Variants in ZNF536 observed in about 807,000 individuals in gnomAD.
ZNF536 encodes the protein zinc finger protein 536.
ZNF536 carries 13 observed loss-of-function variants against 84.5 expected under a neutral mutation model. That is an observed-to-expected ratio of 0.15 (90% CI 0.10 to 0.24). The LOEUF is 0.24. Among genes scored for constraint, ZNF536 ranks in the 10% least tolerant of loss-of-function variants. ZNF536 has a pLI of 1.00. For synonymous variants in ZNF536, 811 were observed against 742.5 expected (o/e 1.09, Z -1.50); for missense variants, 1,536 against 1,747.5 (o/e 0.88, Z 2.16).
chr19:30,677,055 C>G (rs192236918), intron 1 of ZNF536, among the ~76,000 whole-genome samples: 2 of 152,290 alleles, frequency 1.3e-5, no homozygotes, highest in East Asian at 3.9e-4. Context: ...TGGCGTGATG[C>G]CTTTTCTACA....
chr19:30,573,147 G>T (rs142836871), intron 1 of ZNF536, among the ~76,000 whole-genome samples: 1 of 152,318 alleles, frequency 6.6e-6, no homozygotes, highest in East Asian at 1.9e-4. Context: ...CCCTGTGTAA[G>T]TGAACAGGAT....
chr19:30,257,057 A>G (rs967076429), intron 1 of ZNF536, among the ~76,000 whole-genome samples: 6 of 152,220 alleles, frequency 3.9e-5, no homozygotes, highest in African/African-American at 1.4e-4. Context: ...ATTGTTTCAT[A>G]TAGCTTATAT....
chr19:30,490,032 T>C (rs1451175193), intron 2 of ZNF536, among the ~76,000 whole-genome samples: 1 of 152,242 alleles, frequency 6.6e-6, no homozygotes, highest in Non-Finnish European at 1.5e-5. Flanking sequence ...CATGCTTCCA[T>C]TGAGATCCTC....
At chr19:30,231,154 T>C (rs992837246) in intron 1 of ZNF536, among the ~76,000 whole-genome samples, 14 of 152,244 alleles carry the variant, frequency 9.2e-5, no homozygotes, top group African/African-American at 3.1e-4. Context: ...AAAGTGAGAC[T>C]TGATGCAAAT....
In ZNF536 at chr19:30,536,505, T is replaced by C. The variant is rs192569193; in HGVS notation, c.2323+1506T>C. ...AGTCTAAGATTTGCACAGGTGGCAATATTGTCTATCTTTTGAATTGCTGTC... is the reference window on the plus strand; with the variant it reads ...AGTCTAAGATTTGCACAGGTGGCAACATTGTCTATCTTTTGAATTGCTGTC... On this transcript the variant is annotated intron_variant, in intron 3 of 4. Coordinates refer to ENST00000355537, the MANE Select transcript of ZNF536 (RefSeq NM_014717.3). 3.3e-5 allele frequency among the ~76,000 whole-genome samples: 5 copies of C among 152,320 alleles called. No individual in the cohort carries two copies. In the East Asian group the frequency reaches 5.8e-4, roughly 18 times the overall value.
intron 1 of ZNF536, among the ~76,000 whole-genome samples, chr19:30,658,144 T>G (rs1329131292): frequency 6.6e-6 from 1 of 151,820 alleles, no homozygotes; most frequent in Non-Finnish European, 1.5e-5. Flanking sequence ...TGCCTCACCT[T>G]CTGAGCAGCT....
chr19:30,561,528 G>A (rs1176801212), downstream of ZNF536, among the ~76,000 whole-genome samples: 1 of 152,210 alleles, frequency 6.6e-6, no homozygotes, highest in Non-Finnish European at 1.5e-5. Flanking sequence ...TATGGGAGGT[G>A]ACCCAGGAAG....
chr19:30,442,378 A>T (rs2052093181), intron 1 of ZNF536, among the ~76,000 whole-genome samples: 1 of 152,358 alleles, frequency 6.6e-6, no homozygotes, highest in African/African-American at 2.4e-5. Context: ...AACAACTTTG[A>T]GTTCTAATTT....
At chr19:30,464,418 A>G (rs1043071208) in intron 2 of ZNF536, among the ~76,000 whole-genome samples, 1 of 152,116 alleles carries the variant, frequency 6.6e-6, no homozygotes, top group African/African-American at 2.4e-5. Context: ...TGCACATAAC[A>G]TAGGAATCTC....
intron 1 of ZNF536, among the ~76,000 whole-genome samples, chr19:30,379,690 G>T (rs926435203): frequency 6.6e-6 from 1 of 151,658 alleles, no homozygotes; most frequent in African/African-American, 2.4e-5. Flanking sequence ...CAAGTAGGCT[G>T]CTCAGGGGTG....
chr19:30,483,597 T>A (rs2054176959), intron 2 of ZNF536, among the ~76,000 whole-genome samples: 1 of 152,000 alleles, frequency 6.6e-6, no homozygotes, highest in African/African-American at 2.4e-5. Flanking sequence ...CTTGCGTTTG[T>A]CCCCTTGTCT....
chr19:30,416,289 ATTT>A (rs200146840), intron 1 of ZNF536, among the ~76,000 whole-genome samples: 49,961 of 131,300 alleles, frequency 0.38, 9,693 homozygotes, highest in Non-Finnish European at 0.46. Flanking sequence ...TGTCCTCTGA[ATTT>A]TTTTTTTTTT....
intron 1 of ZNF536, among the ~76,000 whole-genome samples, chr19:30,670,360 C>CT (rs1269519914): frequency 2.0e-5 from 3 of 152,220 alleles, no homozygotes; most frequent in Non-Finnish European, 4.4e-5. Context: ...CTGTGGCATT[C>CT]ATTTGGGCTG....
rs571229716 is a variant in ZNF536 at position 30,414,042 on chromosome 19, G to A, written c.-2-29519G>A. On this transcript the variant is annotated intron_variant, in intron 1 of 4. Coordinates refer to ENST00000355537, the MANE Select transcript of ZNF536 (RefSeq NM_014717.3). ...TGGGAGGTGGAGGTTGCAGTGAGCC[G>A]AGATCATGCCACTGCACTCCAACCC... 1.3e-4 allele frequency among the ~76,000 whole-genome samples: 17 copies of A among 132,942 alleles called. No individual in the cohort carries two copies. In the South Asian group the frequency reaches 1.9e-3, roughly 15 times the overall value. The allele number at this position is 132,942 out of a possible 152,430, so 87.2% of individuals were successfully genotyped here.
chr19:30,440,857 A>G (rs2052004205), intron 1 of ZNF536, among the ~76,000 whole-genome samples: 3 of 151,990 alleles, frequency 2.0e-5, no homozygotes, highest in African/African-American at 7.3e-5. Context: ...TAAAGAGATT[A>G]CAAATCTTTG....
chr19:30,367,656 T>C (rs1045066775), upstream of ZNF536, among the ~76,000 whole-genome samples: 8 of 152,192 alleles, frequency 5.3e-5, no homozygotes, highest in Admixed American at 5.2e-4. Context: ...GAGCCTGAGC[T>C]GCTCACCTTT....
In ZNF536 at chr19:30,642,835, C is replaced by G. The variant is rs933870130; in HGVS notation, c.170-67922C>G. Among the ~76,000 whole-genome samples the G allele has an allele frequency of 2.0e-5, 3 of 152,112 alleles. No homozygotes were observed. The South Asian group carries it at 6.2e-4, about 32-fold the overall frequency. ...GGATCAAATATCGGTAGACTTGGAT[C>G]TCTTTGTCCTGAGCACCTGAGTGAA... is the stretch of plus-strand genomic sequence containing the variant. On this transcript the variant is annotated intron_variant, in intron 1 of 1. Transcript: ENST00000592773.
chr19:30,385,813 G>A (rs8105221), intron 1 of ZNF536, among the ~76,000 whole-genome samples: 2 of 152,070 alleles, frequency 1.3e-5, no homozygotes, highest in East Asian at 1.9e-4. Context: ...CTGCATGTGC[G>A]CACTGCCTGG....
rs191990016 is a variant in ZNF536 at position 30,672,885 on chromosome 19, G to A, written c.170-37872G>A. On this transcript the variant is annotated intron_variant, in intron 1 of 1. Coordinates refer to the ZNF536 transcript ENST00000592773. ...AGTCTTATTCCTGCTGGGACCCTCC[G>A]AGGAACTATGTGGACAACCTCAAGA... Among the ~76,000 whole-genome samples, 127 of 152,298 alleles carry A rather than the reference G, an allele frequency of 8.3e-4. 3 individuals are homozygous for A. Among genetic ancestry groups the A allele is most frequent in the Admixed American group, 8.1e-3 (124 of 15,296 alleles).
Sources: allele counts gnomAD v4.1 joint callset (sites outside exome capture counted in the v4.1 genomes callset), GRCh38; gene constraint gnomAD v4.1.1; transcripts MANE v1.5; gene names NCBI Gene and HGNC (gene_info 2026-07-23, HGNC 2026-07-21).